CEP85L: variants seen among roughly 807,000 people sequenced by gnomAD.
The protein encoded by CEP85L is centrosomal protein of 85 kDa-like.
Under a neutral mutation model 100.3 loss-of-function variants are expected in CEP85L, and 60 were observed. That is an observed-to-expected ratio of 0.60 (90% CI 0.49 to 0.74). CEP85L has a LOEUF of 0.74. CEP85L is among the 30% of genes least tolerant of loss of function. CEP85L has a pLI of 0.00. For missense variants in CEP85L, 973 were observed against 936.2 expected (o/e 1.04, Z -0.51); for synonymous variants, 319 against 322.7 (o/e 0.99, Z 0.12).
At chr6:118,536,096 C>A (rs1311419526) in intron 3 of CEP85L, among the ~76,000 whole-genome samples, 3 of 151,992 alleles carry the variant, frequency 2.0e-5, no homozygotes, top group Non-Finnish European at 4.4e-5. Context: ...ATTGAAACAA[C>A]CCAAATGTGT....
chr6:118,472,230 C>G (rs1365373462), intron 10 of CEP85L, among the ~76,000 whole-genome samples: 1 of 151,970 alleles, frequency 6.6e-6, no homozygotes, highest in Non-Finnish European at 1.5e-5. Context: ...ACTAATATGT[C>G]CCTATGTAAG....
chr6:118,587,270 C>T (rs1318131232), intron 2 of CEP85L, among the ~76,000 whole-genome samples: 2 of 152,188 alleles, frequency 1.3e-5, no homozygotes, highest in African/African-American at 4.8e-5. Flanking sequence ...ACTAACTCTT[C>T]CCAGGAGAAC....
chr6:118,568,594 C>G (rs1237256455), intron 2 of CEP85L, among the ~76,000 whole-genome samples: 1 of 152,168 alleles, frequency 6.6e-6, no homozygotes, highest in Non-Finnish European at 1.5e-5. Flanking sequence ...CTTCATTCAG[C>G]ATGAAATGTG....
chr6:118,572,926 G>C (rs1238407621), intron 2 of CEP85L, among the ~76,000 whole-genome samples: 2 of 151,896 alleles, frequency 1.3e-5, no homozygotes, highest in African/African-American at 4.8e-5. Flanking sequence ...GCCGGGCGCA[G>C]TGGTGCACGC....
chr6:118,480,631 C>G, intron 8 of CEP85L, 118 bp from the exon 9 acceptor site: 1 of 639,958 alleles, frequency 1.6e-6, no homozygotes, highest in Non-Finnish European at 2.8e-6. Context: ...AAAATGACAT[C>G]AAGACCCACA....
At chr6:118,552,109 C>G (rs1411147179) in intron 3 of CEP85L, among the ~76,000 whole-genome samples, 2 of 151,920 alleles carry the variant, frequency 1.3e-5, no homozygotes, top group African/African-American at 2.4e-5. Context: ...GAAAAAACAT[C>G]CTAGAGTATA....
chr6:118,611,907 T>C (rs1772651971), intron 2 of CEP85L, among the ~76,000 whole-genome samples: 1 of 152,154 alleles, frequency 6.6e-6, no homozygotes, highest in Admixed American at 6.5e-5. Context: ...TTGTAGACTT[T>C]CAAACACTCC....
intron 1 of CEP85L, among the ~76,000 whole-genome samples, chr6:118,669,482 G>A (rs532779432): frequency 6.6e-6 from 1 of 152,126 alleles, no homozygotes; most frequent in Non-Finnish European, 1.5e-5. Flanking sequence ...GTTAGATGAA[G>A]CATGGAGACA....
chr6:118,630,813 G>A (rs1053331755), intron 2 of CEP85L, among the ~76,000 whole-genome samples: 15 of 152,202 alleles, frequency 9.9e-5, no homozygotes, highest in African/African-American at 3.4e-4. Flanking sequence ...AGGTGAGTGA[G>A]GGCAGCTGAG....
chr6:118,686,682 G>A (rs765372316), intron 1 of CEP85L, among the ~76,000 whole-genome samples: 5 of 152,162 alleles, frequency 3.3e-5, no homozygotes, highest in African/African-American at 4.8e-5. Flanking sequence ...GAACACTTGT[G>A]TGTTGAGGTC....
intron 2 of CEP85L, among the ~76,000 whole-genome samples, chr6:118,599,729 CCT>C (rs59713939): frequency 0.029 from 4,454 of 152,150 alleles, 222 homozygotes; most frequent in African/African-American, 0.1. Flanking sequence ...ATTATGTACC[CCT>C]GATATGATAT....
chr6:118,534,319 A>C (rs1176032709), intron 3 of CEP85L, among the ~76,000 whole-genome samples: 1 of 152,120 alleles, frequency 6.6e-6, no homozygotes, highest in African/African-American at 2.4e-5. Flanking sequence ...AATGTAATAA[A>C]TTATGTGTAA....
In CEP85L at chr6:118,465,357, A is replaced by G. The variant is rs1562164546; in HGVS notation, c.*48T>C. ...ACCTTCCATTATGGCTCCATAACAC[A>G]GCAGCATTTAAACAACAGGTCATTA... is the stretch of plus-strand genomic sequence containing the variant. On this transcript the variant is annotated 3_prime_UTR_variant, in exon 13 of 13. Transcript: ENST00000368491. 1.3e-5 allele frequency: 21 copies of G among 1,571,324 alleles called. No individual in the cohort carries two copies. Among genetic ancestry groups the G allele is most frequent in the Non-Finnish European group, 1.7e-5 (20 of 1,150,652 alleles).
intron 2 of CEP85L, among the ~76,000 whole-genome samples, chr6:118,613,328 A>G (rs1254070763): frequency 6.6e-6 from 1 of 152,242 alleles, no homozygotes; most frequent in Non-Finnish European, 1.5e-5. Context: ...CATAAACTTG[A>G]TAATTTAGGT....
intron 4 of CEP85L, among the ~76,000 whole-genome samples, chr6:118,514,526 A>G (rs1427552279): frequency 7.2e-6 from 1 of 138,062 alleles, no homozygotes; most frequent in Non-Finnish European, 1.6e-5. Flanking sequence ...CACTGTCTCA[A>G]AAAAAAAAAA....
chr6:118,549,355 C>T (rs1778398716), intron 3 of CEP85L, among the ~76,000 whole-genome samples: 1 of 151,830 alleles, frequency 6.6e-6, no homozygotes, highest in South Asian at 2.1e-4. Context: ...TGTTTGAATT[C>T]TACCCTATTC....
chr6:118,483,576 T>C (rs1773952857), intron 7 of CEP85L, 130 bp downstream of exon 7: 2 of 753,022 alleles, frequency 2.7e-6, no homozygotes, highest in Non-Finnish European at 4.3e-6. Flanking sequence ...ATAAACAAAG[T>C]TTCTTATTAG....
intron 2 of CEP85L, among the ~76,000 whole-genome samples, chr6:118,601,736 C>A (rs1432591323): frequency 6.6e-6 from 1 of 152,072 alleles, no homozygotes; most frequent in Non-Finnish European, 1.5e-5. Context: ...CCCTTTTAGA[C>A]CATATAGGGT....
At chr6:118,487,488 T>A (rs1774267197) in intron 6 of CEP85L, among the ~76,000 whole-genome samples, 1 of 152,196 alleles carries the variant, frequency 6.6e-6, no homozygotes, top group Non-Finnish European at 1.5e-5. Context: ...ATTCCCTTTT[T>A]AAGAAATCCA....
Sources: allele counts gnomAD v4.1 joint callset (sites outside exome capture counted in the v4.1 genomes callset), GRCh38; gene constraint gnomAD v4.1.1; transcripts MANE v1.5; gene names NCBI Gene and HGNC (gene_info 2026-07-23, HGNC 2026-07-21).